ACSF3: variants seen among roughly 807,000 people sequenced by gnomAD.
ACSF3 encodes acyl-CoA synthetase family member 3.
A neutral mutation model predicts 53.2 loss-of-function variants in ACSF3; 78 were observed. That is an observed-to-expected ratio of 1.47 (90% CI 1.22 to 1.77). ACSF3 has a LOEUF of 1.77. ACSF3 is among the 40% of genes most tolerant of loss of function. The probability of loss-of-function intolerance (pLI) is 0.00; values close to 1 mark genes in which losing one functional copy is unlikely to be tolerated. For synonymous variants in ACSF3, 414 were observed against 333.1 expected, an observed-to-expected ratio of 1.24 and a Z score of -2.65; for missense variants, 937 against 771.1, an observed-to-expected ratio of 1.22 and a Z score of -2.55.
chr16:89,125,384 A>G (rs112907705), intron 7 of ACSF3, among the ~76,000 whole-genome samples: 8 of 151,700 alleles, frequency 5.3e-5, no homozygotes, highest in African/African-American at 1.9e-4. Context: ...ATATCTACAA[A>G]AAGTTCTTTT....
chr16:89,145,075 GA>G lies in ACSF3; in HGVS notation c.1367-191del, dbSNP rs1447532835. 9 of 1,498,124 alleles carry G rather than the reference GA, an allele frequency of 6.0e-6. No individual in the cohort carries two copies. In the African/African-American group the frequency reaches 1.1e-4, roughly 18 times the overall value. 92.8% of individuals were successfully genotyped at this position (1,498,124 alleles called of 1,614,324 possible). ...AGTCCCACCTTGGGACGCACGTCGT[GA>G]CCACCAGGAATGTGGGCTTACCTGG... On this transcript the variant is annotated intron_variant, in intron 8 of 10. Transcript: ENST00000614302.
At chr16:89,114,108 T>TA (rs1904593479) in intron 5 of ACSF3, 3 of 602,724 alleles carry the variant, frequency 5.0e-6, no homozygotes, top group Non-Finnish European at 9.0e-6. Context: ...CCTTCTAAAA[T>TA]ACACCCAACA....
intron 2 of ACSF3, 117 bp from the exon 3 acceptor site, chr16:89,100,545 A>G: frequency 1.9e-6 from 2 of 1,041,986 alleles, no homozygotes; most frequent in African/African-American, 3.1e-5. Flanking sequence ...CTGCCTCATG[A>G]CTGAAGGTGC....
intron 6 of ACSF3, among the ~76,000 whole-genome samples, chr16:89,117,292 C>G (rs1905287386): frequency 6.6e-6 from 1 of 152,234 alleles, no homozygotes; most frequent in Non-Finnish European, 1.5e-5. Flanking sequence ...ATTTTGCACT[C>G]ACATACAAGA....
At chr16:89,136,181 G>T (rs190338960) in intron 8 of ACSF3, among the ~76,000 whole-genome samples, 1 of 152,248 alleles carries the variant, frequency 6.6e-6, no homozygotes, top group Non-Finnish European at 1.5e-5. Flanking sequence ...TCCCGGAGCC[G>T]CTGGGAGGGC....
At chr16:89,115,211 ACC>A (rs2151457930) in intron 6 of ACSF3, 1 of 157,266 alleles carries the variant, frequency 6.4e-6, no homozygotes, top group Admixed American at 6.1e-5. Flanking sequence ...TTACCTGCAG[ACC>A]CAGTAAAAAT....
intron 8 of ACSF3, among the ~76,000 whole-genome samples, chr16:89,134,218 G>T (rs1909947680): frequency 6.6e-6 from 1 of 151,984 alleles, no homozygotes; most frequent in African/African-American, 2.4e-5. Flanking sequence ...CGTGTTCTCT[G>T]ACCTGGGGTT....
intron 1 of ACSF3, among the ~76,000 whole-genome samples, chr16:89,097,752 C>A (rs1486645139): frequency 7.7e-6 from 1 of 129,214 alleles, no homozygotes; most frequent in South Asian, 2.4e-4. Flanking sequence ...CCAGCCACTG[C>A]CCTGCCTCTG....
At chr16:89,123,819 C>T (rs1201359335) in intron 7 of ACSF3, among the ~76,000 whole-genome samples, 1 of 152,182 alleles carries the variant, frequency 6.6e-6, no homozygotes, top group Non-Finnish European at 1.5e-5. Context: ...AGCTGGCCTG[C>T]CAGGCCCAGG....
rs1914667979 is a variant in ACSF3 at position 89,156,009 on chromosome 16, A to G, written c.*1802A>G. Among the ~76,000 whole-genome samples the G allele has an allele frequency of 1.3e-5, 2 of 152,164 alleles. No individual in the cohort carries two copies. Among genetic ancestry groups the G allele is most frequent in the Admixed American group, 1.3e-4 (2 of 15,284 alleles). ...CTGGAGCTCGTTGACCAGCCGGTTG[A>G]CCAGAATACGGTGCTCCAAGGACAT... On this transcript the variant is annotated 3_prime_UTR_variant, in exon 11 of 11. Transcript: ENST00000614302.
chr16:89,133,040 G>T, intron 7 of ACSF3, 96 bp from the exon 8 acceptor site: 1 of 1,571,406 alleles, frequency 6.4e-7, no homozygotes, highest in South Asian at 1.1e-5. Context: ...CCCTGGGTGG[G>T]CCCTGGGTGG....
intron 10 of ACSF3, among the ~76,000 whole-genome samples, chr16:89,146,720 T>A (rs1032984545): frequency 5.9e-5 from 9 of 152,204 alleles, no homozygotes; most frequent in Non-Finnish European, 8.8e-5. Flanking sequence ...ACCTGCATTT[T>A]TTGTTTTGCC....
intron 10 of ACSF3, among the ~76,000 whole-genome samples, chr16:89,146,866 C>T (rs920692670): frequency 2.6e-5 from 4 of 152,202 alleles, no homozygotes; most frequent in Admixed American, 2.0e-4. Flanking sequence ...TGAACCTGAG[C>T]TATGGCCTTG....
rs765382177 is a variant in ACSF3 at position 89,133,166 on chromosome 16, G to A, written c.1270G>A (p.Glu424Lys). The A allele has an allele frequency of 6.2e-7, 1 of 1,614,056 alleles. No homozygotes were observed. Residue 424 changes from glutamate (E) to lysine (K), a missense_variant, in exon 8 of 11, where the codon GAG (glutamate) becomes AAG (lysine). By Grantham distance (56) the Glu-to-Lys change is moderately conservative. Transcript: ENST00000614302. ...CCCAGGGTTTGAAGAAAAGGAGGGGGAGCTGCTGGTGAGGGGACCCTCCGT... is the reference window on the plus strand; with the variant it reads ...CCCAGGGTTTGAAGAAAAGGAGGGGAAGCTGCTGGTGAGGGGACCCTCCGT... ...VTPGFEEKEG[E>K]LLVRGPSVFR...
chr16:89,111,849 GA>G, intron 4 of ACSF3, among the ~76,000 whole-genome samples: 1 of 152,320 alleles, frequency 6.6e-6, no homozygotes, highest in East Asian at 1.9e-4. Flanking sequence ...CCAGGCCACA[GA>G]TCCCGAAGCC....
At chr16:89,130,286 T>A (rs963012816) in intron 7 of ACSF3, among the ~76,000 whole-genome samples, 4 of 152,194 alleles carry the variant, frequency 2.6e-5, no homozygotes, top group African/African-American at 7.2e-5. Context: ...AAAATATGAT[T>A]CTTGGCTGGA....
In ACSF3 at chr16:89,123,538, G is replaced by A. The variant is rs1027694796; in HGVS notation, c.1239+2625G>A. Among the ~76,000 whole-genome samples the A allele has an allele frequency of 2.0e-5, 3 of 152,178 alleles. No individual in the cohort carries two copies. The East Asian group carries it at 5.8e-4, about 29-fold the overall frequency. ...GGCTGTCCGATCCACTCTTGTCTGT[G>A]CCGAGGCGTGGGTCCCGGCCAGCGT... On this transcript the variant is annotated intron_variant, in intron 7 of 10. Coordinates refer to ENST00000614302, the MANE Select transcript of ACSF3 (RefSeq NM_001243279.3).
intron 4 of ACSF3, among the ~76,000 whole-genome samples, chr16:89,107,276 T>G (rs1343114865): frequency 1.3e-5 from 2 of 152,174 alleles, no homozygotes; most frequent in Admixed American, 6.5e-5. Context: ...TCTGAAGATT[T>G]GGATGAATTC....
Position 89,093,988 on chromosome 16 carries a change from G to A in ACSF3, c.-202G>A. ...CAGATCCTGCCCCGTGGCCGCGGCC[G>A]TCTCGTAGGTGCGGGCGGCGGGGCC... On this transcript the variant is annotated 5_prime_UTR_variant, in exon 1 of 11. Transcript: ENST00000614302. 1 of 217,588 alleles carries A rather than the reference G, an allele frequency of 4.6e-6. No individual in the cohort carries two copies. The highest frequency in any genetic ancestry group is 9.9e-6 in the Non-Finnish European group (1 of 100,860). 13.5% of individuals were successfully genotyped at this position (217,588 alleles called of 1,614,324 possible).
Sources: allele counts gnomAD v4.1 joint callset (sites outside exome capture counted in the v4.1 genomes callset), GRCh38; gene constraint gnomAD v4.1.1; transcripts MANE v1.5; gene names NCBI Gene and HGNC (gene_info 2026-07-23, HGNC 2026-07-21).